BARX2: variants seen among roughly 807,000 people sequenced by gnomAD.
BARX2 encodes BARX homeobox 2.
BARX2 carries 11 observed loss-of-function variants against 25.5 expected under a neutral mutation model. The ratio of observed to expected loss-of-function variants is 0.43; its 90% CI spans 0.27 to 0.71. The LOEUF (loss-of-function observed/expected upper bound fraction) is 0.71. Among genes scored for constraint, BARX2 ranks in the 30% least tolerant of loss-of-function variants. The pLI is 0.19. For synonymous variants in BARX2, 137 were observed against 149.5 expected, an observed-to-expected ratio of 0.92 and a Z score of 0.61; for missense variants, 360 against 359.9, an observed-to-expected ratio of 1.00 and a Z score of 0.00.
chr11:129,437,349 C>T (rs971155864), intron 2 of BARX2: 9 of 710,312 alleles, frequency 1.3e-5, no homozygotes, highest in African/African-American at 3.7e-5. Context: ...GTTGCTCAGG[C>T]GGTCAGCTGG....
intron 1 of BARX2, among the ~76,000 whole-genome samples, chr11:129,384,314 C>T (rs1861598669): frequency 6.6e-6 from 1 of 151,676 alleles, no homozygotes; most frequent in Admixed American, 6.6e-5. Flanking sequence ...TCAAGGATTA[C>T]TTACCATGTG....
At chr11:129,444,109 G>GAA (rs369194472) in intron 3 of BARX2, among the ~76,000 whole-genome samples, 5 of 145,626 alleles carry the variant, frequency 3.4e-5, no homozygotes, top group African/African-American at 1.2e-4. Context: ...CAGTTTTCAG[G>GAA]AAAAAAAAAA....
intron 1 of BARX2, among the ~76,000 whole-genome samples, chr11:129,435,871 A>G (rs1210828696): frequency 1.3e-5 from 2 of 152,214 alleles, no homozygotes; most frequent in Non-Finnish European, 1.5e-5. Flanking sequence ...TTCCTAACGC[A>G]GGAGTGGCAT....
intron 1 of BARX2, among the ~76,000 whole-genome samples, chr11:129,403,035 A>T (rs1015759633): frequency 1.3e-5 from 2 of 152,260 alleles, no homozygotes; most frequent in African/African-American, 4.8e-5. Context: ...AGAAGTAGGC[A>T]TGTAGTAAGA....
chr11:129,429,714 G>A (rs992284675), intron 1 of BARX2, among the ~76,000 whole-genome samples: 1 of 152,040 alleles, frequency 6.6e-6, no homozygotes, highest in African/African-American at 2.4e-5. Flanking sequence ...ACAAAATCTG[G>A]GAATAGACCC....
chr11:129,431,207 A>G (rs1051061187), intron 1 of BARX2, among the ~76,000 whole-genome samples: 2 of 152,186 alleles, frequency 1.3e-5, no homozygotes, highest in African/African-American at 4.8e-5. Flanking sequence ...CCATCCCCAA[A>G]TGAGGGACAT....
intron 1 of BARX2, among the ~76,000 whole-genome samples, chr11:129,398,265 T>C (rs1402962836): frequency 3.3e-5 from 5 of 152,194 alleles, no homozygotes. Context: ...GGTCAGAGTA[T>C]GATCCATGTG....
At chr11:129,425,614 A>G (rs986400656) in intron 1 of BARX2, among the ~76,000 whole-genome samples, 1 of 152,218 alleles carries the variant, frequency 6.6e-6, no homozygotes, top group African/African-American at 2.4e-5. Context: ...GGGCTAGCTT[A>G]ATCGATCTCA....
At chr11:129,422,404 T>G (rs1425923167) in intron 1 of BARX2, among the ~76,000 whole-genome samples, 3 of 152,192 alleles carry the variant, frequency 2.0e-5, no homozygotes, top group Non-Finnish European at 1.5e-5. Context: ...GTTCAAGTGA[T>G]CCTCCTGCCT....
At chr11:129,414,065 C>CAAAAAAAAAAAAAA (rs879620964) in intron 1 of BARX2, among the ~76,000 whole-genome samples, 1 of 133,142 alleles carries the variant, frequency 7.5e-6, no homozygotes, top group African/African-American at 2.8e-5. Context: ...GACTCCATCT[C>CAAAAAAAAAAAAAA]AAAAAAAAAA....
At chr11:129,448,113 T>G (rs1565524986) in intron 3 of BARX2, among the ~76,000 whole-genome samples, 1 of 152,196 alleles carries the variant, frequency 6.6e-6, no homozygotes. Flanking sequence ...ACTGAGAACT[T>G]CTTGGTTTTC....
intron 1 of BARX2, among the ~76,000 whole-genome samples, chr11:129,405,340 C>T (rs941011816): frequency 6.6e-5 from 10 of 152,196 alleles, no homozygotes; most frequent in African/African-American, 2.2e-4. Flanking sequence ...TTTCTGCTAC[C>T]GCTGCCTCCT....
chr11:129,450,539 T>C (rs1192267589), intron 3 of BARX2, among the ~76,000 whole-genome samples: 1 of 152,222 alleles, frequency 6.6e-6, no homozygotes, highest in African/African-American at 2.4e-5. Flanking sequence ...ACTATAATTC[T>C]ACCCAATTAC....
intron 1 of BARX2, among the ~76,000 whole-genome samples, chr11:129,423,908 G>A (rs897535364): frequency 6.7e-6 from 1 of 149,768 alleles, no homozygotes; most frequent in African/African-American, 2.5e-5. Flanking sequence ...TGCCCAGGCT[G>A]GAGTGCAGTT....
chr11:129,388,408 T>C (rs1237821281), intron 1 of BARX2, among the ~76,000 whole-genome samples: 1 of 152,124 alleles, frequency 6.6e-6, no homozygotes, highest in African/African-American at 2.4e-5. Context: ...CTGTGTAGCA[T>C]TCGCTACCAA....
chr11:129,419,937 C>T lies in BARX2; in HGVS notation c.188-16814C>T, dbSNP rs575820477. Among the ~76,000 whole-genome samples the T allele has an allele frequency of 7.9e-5, 12 of 152,048 alleles. No individual in the cohort carries two copies. In the East Asian group the frequency reaches 1.2e-3, roughly 15 times the overall value. On this transcript the variant is annotated intron_variant, in intron 1 of 3. Transcript: ENST00000281437. Reference sequence around the variant, plus strand: ...CTGAGATTACATGCATTAGCCACCACGTCTGGCTAATTTTTGCATTTTTAG... The same window carrying T: ...CTGAGATTACATGCATTAGCCACCATGTCTGGCTAATTTTTGCATTTTTAG...
intron 3 of BARX2, among the ~76,000 whole-genome samples, chr11:129,446,533 GA>G (rs1399955929): frequency 6.6e-6 from 1 of 152,144 alleles, no homozygotes; most frequent in Non-Finnish European, 1.5e-5. Flanking sequence ...ATACAGCCAA[GA>G]GATGTTATTG....
At chr11:129,411,798 T>A (rs1861890304) in intron 1 of BARX2, among the ~76,000 whole-genome samples, 1 of 152,222 alleles carries the variant, frequency 6.6e-6, no homozygotes, top group African/African-American at 2.4e-5. Flanking sequence ...AGCATTAATA[T>A]TTTTTAAAGG....
intron 1 of BARX2, among the ~76,000 whole-genome samples, chr11:129,389,408 A>G (rs871641): frequency 0.096 from 14,673 of 152,156 alleles, 939 homozygotes; most frequent in African/African-American, 0.19. Flanking sequence ...TGGTCTGTGA[A>G]TTGTTTGAGT....
Sources: gnomAD v4.1 joint callset for allele counts (sites outside exome capture counted in the v4.1 genomes callset) on GRCh38, gnomAD v4.1.1 for gene constraint, MANE v1.5 for transcripts, NCBI Gene and HGNC (gene_info 2026-07-23, HGNC 2026-07-21) for gene names.